SCN8A: variants seen among roughly 807,000 people sequenced by gnomAD.
The protein encoded by SCN8A is sodium voltage-gated channel alpha subunit 8, also known as sodium channel protein type 8 subunit alpha.
In SCN8A, 30 loss-of-function variants were observed where a neutral mutation model predicts 184.1. That is an observed-to-expected ratio of 0.16 (90% confidence interval 0.12 to 0.22). The LOEUF is 0.22. Ranked by LOEUF, SCN8A falls within the 10% of genes least tolerant of loss-of-function variation. SCN8A has a pLI of 1.00. For synonymous variants in SCN8A, 852 were observed against 907.0 expected (o/e 0.94, Z 1.09); for missense variants, 1,057 against 2,498.9 (o/e 0.42, Z 12.30).
chr12:51,703,712 G>A (rs1177677902), intron 9 of SCN8A, among the ~76,000 whole-genome samples: 1 of 152,142 alleles, frequency 6.6e-6, no homozygotes, highest in African/African-American at 2.4e-5. Flanking sequence ...ACAGTCCATT[G>A]TTTTCTCTTT....
chr12:51,770,129 T>G, intron 18 of SCN8A, 144 bp downstream of exon 18: 2 of 648,678 alleles, frequency 3.1e-6, no homozygotes, highest in Non-Finnish European at 5.5e-6. Flanking sequence ...TGAAGGAAAC[T>G]TAGATTGTTT....
At chr12:51,790,555 A>G in intron 25 of SCN8A, 53 bp downstream of exon 25, 1 of 1,210,406 alleles carries the variant, frequency 8.3e-7, no homozygotes, top group Non-Finnish European at 1.2e-6. Context: ...TAGGAAAAGT[A>G]CTAGTAGAGT....
intron 11 of SCN8A, among the ~76,000 whole-genome samples, chr12:51,711,852 C>T (rs999353918): frequency 1.3e-5 from 2 of 152,002 alleles, no homozygotes; most frequent in African/African-American, 4.8e-5. Flanking sequence ...TATCTATTCT[C>T]TCCACGTCAG....
intron 9 of SCN8A, 111 bp downstream of exon 9, chr12:51,703,025 TTG>T: frequency 9.5e-7 from 1 of 1,049,082 alleles, no homozygotes; most frequent in South Asian, 2.4e-5. Context: ...GATCTAACTG[TTG>T]TGTTTCCCAC....
chr12:51,804,563 C>T (rs1235574108), intron 26 of SCN8A, among the ~76,000 whole-genome samples: 1 of 151,986 alleles, frequency 6.6e-6, no homozygotes, highest in Non-Finnish European at 1.5e-5. Context: ...GATCTCAGCT[C>T]ACTGCAACCT....
chr12:51,610,020 A>G (rs929195100), intron 1 of SCN8A, among the ~76,000 whole-genome samples: 1 of 151,748 alleles, frequency 6.6e-6, no homozygotes, highest in African/African-American at 2.4e-5. Flanking sequence ...AAATACAAAA[A>G]TAAGCCGGGC....
intron 2 of SCN8A, among the ~76,000 whole-genome samples, chr12:51,677,071 A>G (rs1159346375): frequency 3.5e-5 from 5 of 144,338 alleles, no homozygotes; most frequent in African/African-American, 1.3e-4. Flanking sequence ...ATTTTATTTT[A>G]TTTTATTTTA....
At chr12:51,759,013 T>C (rs1030398364) in intron 14 of SCN8A, among the ~76,000 whole-genome samples, 2 of 151,834 alleles carry the variant, frequency 1.3e-5, no homozygotes, top group Admixed American at 6.6e-5. Flanking sequence ...TATATATATA[T>C]ACGTGTGTGT....
At chr12:51,788,810 A>AT in intron 23 of SCN8A, 62 bp downstream of exon 23, 1 of 1,440,602 alleles carries the variant, frequency 6.9e-7, no homozygotes, top group East Asian at 2.4e-5. Flanking sequence ...GCAGCATGGT[A>AT]TACCGAGCCC....
chr12:51,765,640 A>G lies in SCN8A; in HGVS notation c.2545-31A>G, dbSNP rs376401384. On this transcript the variant is annotated intron_variant, in intron 15 of 26. Transcript: ENST00000627620. ...TGAGAAAATTGATTGAGTATCATTT[A>G]TTTTTTTGTTTGGGTTTTTTTTTTC... 3 of 1,282,466 alleles carry G rather than the reference A, an allele frequency of 2.3e-6. No individual in the cohort carries two copies. The African/African-American group carries it at 5.5e-5, about 24-fold the overall frequency. The allele number at this position is 1,282,466 out of a possible 1,614,324, so 79.4% of individuals were successfully genotyped here.
chr12:51,643,031 A>C (rs991079580), intron 1 of SCN8A, among the ~76,000 whole-genome samples: 1 of 152,102 alleles, frequency 6.6e-6, no homozygotes, highest in Non-Finnish European at 1.5e-5. Context: ...TTGGAGTTTG[A>C]TACTGCTTTA....
chr12:51,679,656 G>A (rs892289529), intron 2 of SCN8A, among the ~76,000 whole-genome samples: 1 of 151,006 alleles, frequency 6.6e-6, no homozygotes, highest in Non-Finnish European at 1.5e-5. Context: ...ACTACTGCAA[G>A]CCCCAGTATT....
At chr12:51,764,417 T>C (rs959083171) in intron 15 of SCN8A, among the ~76,000 whole-genome samples, 1 of 152,106 alleles carries the variant, frequency 6.6e-6, no homozygotes, top group African/African-American at 2.4e-5. Context: ...GGCGCATCAC[T>C]TGAGGTCAGG....
chr12:51,774,650 G>A (rs1053718280), intron 20 of SCN8A, among the ~76,000 whole-genome samples: 20 of 152,260 alleles, frequency 1.3e-4, no homozygotes, highest in African/African-American at 4.3e-4. Flanking sequence ...GGTCTCAAAG[G>A]CCCTTGTTAT....
intron 21 of SCN8A, among the ~76,000 whole-genome samples, chr12:51,782,598 C>G (rs1394278899): frequency 6.6e-6 from 1 of 152,228 alleles, no homozygotes; most frequent in Non-Finnish European, 1.5e-5. Flanking sequence ...AAGAAATCCC[C>G]CCATCCCCCT....
intron 3 of SCN8A, 54 bp from the exon 4 acceptor site, chr12:51,686,314 T>G: frequency 8.1e-6 from 9 of 1,111,824 alleles, no homozygotes; most frequent in South Asian, 1.3e-5. Flanking sequence ...GTTTGTTTTT[T>G]GAGAAAACAA....
At chr12:51,603,311 A>G (rs1939509420) in intron 1 of SCN8A, among the ~76,000 whole-genome samples, 1 of 152,224 alleles carries the variant, frequency 6.6e-6, no homozygotes, top group African/African-American at 2.4e-5. Flanking sequence ...GCTGAGCATA[A>G]TACTTTGGAG....
At position 51,669,437 on chromosome 12, in the gene SCN8A, G is replaced by A. The variant is rs977498896; in HGVS notation, c.276+6344G>A. Among the ~76,000 whole-genome samples, 9 of 152,148 alleles carry A rather than the reference G, an allele frequency of 5.9e-5. No homozygotes were observed. In the South Asian group the frequency reaches 6.2e-4, roughly 11 times the overall value. On this transcript the variant is annotated intron_variant, in intron 2 of 26. Transcript: ENST00000627620. ...TCACATATTGTATTTTAGCTGTGGC[G>A]AACTACTTCCTGTTTCCTTAGTGTG...
chr12:51,804,545 A>G (rs537433101), intron 26 of SCN8A, among the ~76,000 whole-genome samples: 1 of 144,860 alleles, frequency 6.9e-6, no homozygotes, highest in South Asian at 2.2e-4. Flanking sequence ...GCTGGAGTGC[A>G]GTGGCGTGAT....
Sources: allele counts gnomAD v4.1 joint callset (sites outside exome capture counted in the v4.1 genomes callset), GRCh38; gene constraint gnomAD v4.1.1; transcripts MANE v1.5; gene names NCBI Gene and HGNC (gene_info 2026-07-23, HGNC 2026-07-21).